Variants in GRIP1 observed in about 807,000 individuals in gnomAD.
The protein encoded by GRIP1 is glutamate receptor-interacting protein 1.
GRIP1 carries 45 observed loss-of-function variants against 129.9 expected under a neutral mutation model. The observed-to-expected ratio is 0.35, with a 90% CI of 0.27 to 0.44. The LOEUF (loss-of-function observed/expected upper bound fraction) is 0.44. GRIP1 is among the 20% of genes least tolerant of loss of function. The pLI is 1.00. For missense variants in GRIP1, 1,196 were observed against 1,396.8 expected (o/e 0.86, Z 2.29); for synonymous variants, 530 against 520.8 (o/e 1.02, Z -0.24).
intron 1 of GRIP1, among the ~76,000 whole-genome samples, chr12:66,782,814 A>G (rs1000158855): frequency 1.3e-5 from 2 of 152,292 alleles, no homozygotes; most frequent in Middle Eastern, 3.4e-3. Context: ...TCTCCACAAG[A>G]GATGATAGAT....
chr12:66,484,877 G>C (rs1195055374), intron 7 of GRIP1, among the ~76,000 whole-genome samples: 1 of 152,132 alleles, frequency 6.6e-6, no homozygotes, highest in Non-Finnish European at 1.5e-5. Context: ...GTGATGGATA[G>C]ATATCCCTAT....
intron 11 of GRIP1, among the ~76,000 whole-genome samples, chr12:66,451,998 A>G (rs571355457): frequency 6.6e-6 from 1 of 152,362 alleles, no homozygotes; most frequent in African/African-American, 2.4e-5. Context: ...GCTCTTTTCA[A>G]TGGCACTCTC....
chr12:66,558,836 A>G (rs1003027981), intron 2 of GRIP1, among the ~76,000 whole-genome samples: 1 of 152,182 alleles, frequency 6.6e-6, no homozygotes, highest in Non-Finnish European at 1.5e-5. Context: ...CTACAAGGCC[A>G]GTATTACCCT....
intron 13 of GRIP1, among the ~76,000 whole-genome samples, chr12:66,434,187 G>T (rs1013752684): frequency 5.9e-5 from 9 of 152,106 alleles, no homozygotes; most frequent in African/African-American, 2.2e-4. Context: ...CCCTGGGCCC[G>T]CCTAGCTTTT....
intron 7 of GRIP1, among the ~76,000 whole-genome samples, chr12:66,502,829 A>G (rs2060427517): frequency 1.3e-5 from 2 of 152,292 alleles, no homozygotes; most frequent in South Asian, 4.2e-4. Context: ...ACCCAGTCTC[A>G]GGTATTTCTT....
chr12:67,056,595 A>G (rs2043440428), intron 1 of GRIP1, among the ~76,000 whole-genome samples: 1 of 152,160 alleles, frequency 6.6e-6, no homozygotes, highest in South Asian at 2.1e-4. Context: ...CCTGTTAATC[A>G]GCCACAAGCC....
chr12:66,979,222 T>TAAAA (rs35306665), intron 1 of GRIP1, among the ~76,000 whole-genome samples: 935 of 41,298 alleles, frequency 0.023, 93 homozygotes, highest in East Asian at 0.054. Context: ...CTTCTCTTCT[T>TAAAA]AAAAAAAAAA....
At chr12:66,402,465 A>G (rs796171083) in intron 16 of GRIP1, among the ~76,000 whole-genome samples, 47 of 152,324 alleles carry the variant, frequency 3.1e-4, no homozygotes, top group African/African-American at 1.1e-3. Context: ...GGTAAGGTAC[A>G]CAGCAGGGTA....
At chr12:66,400,204 G>A (rs2056934786) in intron 16 of GRIP1, among the ~76,000 whole-genome samples, 2 of 151,910 alleles carry the variant, frequency 1.3e-5, no homozygotes, top group Admixed American at 1.3e-4. Flanking sequence ...TGGGAACTCT[G>A]GGAGAGGGGC....
intron 1 of GRIP1, among the ~76,000 whole-genome samples, chr12:66,915,382 T>C (rs935379965): frequency 4.6e-5 from 7 of 152,318 alleles, no homozygotes; most frequent in Non-Finnish European, 7.3e-5. Context: ...GAAAAGACTG[T>C]AGGCTTCCCA....
rs566271008 is a variant in GRIP1, at chr12:66,870,460, A to G, written c.58+198590T>C. On this transcript the variant is annotated intron_variant, in intron 1 of 1. Transcript: ENST00000643019. ...TCTTATAGAGCAATGCTGTTTCTCC[A>G]CAGAACATCCCTTGGTGCAAAGAGA... is the stretch of plus-strand genomic sequence containing the variant. Among the ~76,000 whole-genome samples, 12 of 152,252 alleles carry G rather than the reference A, an allele frequency of 7.9e-5. No homozygotes were observed. In the South Asian group the frequency reaches 2.5e-3, roughly 32 times the overall value.
At chr12:66,530,212 T>C (rs2061396957) in intron 4 of GRIP1, among the ~76,000 whole-genome samples, 1 of 152,224 alleles carries the variant, frequency 6.6e-6, no homozygotes, top group Admixed American at 6.5e-5. Flanking sequence ...GTTTAAACTC[T>C]ACCTAACAAG....
intron 1 of GRIP1, among the ~76,000 whole-genome samples, chr12:66,697,838 T>G (rs1279132451): frequency 6.6e-6 from 1 of 152,216 alleles, no homozygotes; most frequent in Non-Finnish European, 1.5e-5. Flanking sequence ...GTTTCTCATG[T>G]CTATATATTA....
At chr12:66,554,283 G>A (rs1042854452) in intron 2 of GRIP1, among the ~76,000 whole-genome samples, 1 of 152,164 alleles carries the variant, frequency 6.6e-6, no homozygotes, top group South Asian at 2.1e-4. Context: ...AAGATTTCTA[G>A]ACAAAACCTG....
At chr12:66,618,804 T>C (rs1212042477) in intron 1 of GRIP1, among the ~76,000 whole-genome samples, 2 of 152,148 alleles carry the variant, frequency 1.3e-5, no homozygotes, top group Non-Finnish European at 2.9e-5. Flanking sequence ...TAAAGCTTAT[T>C]GGATGGAGAC....
chr12:66,743,304 C>T (rs73327086), intron 1 of GRIP1, among the ~76,000 whole-genome samples: 7,684 of 151,754 alleles, frequency 0.051, 501 homozygotes, highest in African/African-American at 0.15. Context: ...AACCACTGGG[C>T]GAGTGGCAAC....
chr12:66,998,659 G>A (rs1050293374), intron 1 of GRIP1, among the ~76,000 whole-genome samples: 17 of 152,044 alleles, frequency 1.1e-4, no homozygotes, highest in African/African-American at 4.1e-4. Context: ...TCTTCAAAGA[G>A]AAAATAAAAC....
intron 1 of GRIP1, among the ~76,000 whole-genome samples, chr12:66,877,148 T>C (rs1384045490): frequency 6.6e-6 from 1 of 152,044 alleles, no homozygotes; most frequent in Admixed American, 6.6e-5. Flanking sequence ...GAGTTGCCAA[T>C]ACAACACACC....
chr12:66,533,143 A>G (rs1240071168), intron 4 of GRIP1, among the ~76,000 whole-genome samples: 2 of 152,168 alleles, frequency 1.3e-5, no homozygotes, highest in East Asian at 3.9e-4. Context: ...AAATTCTTTA[A>G]GAGTTAAGTG....
Sources: gnomAD v4.1 joint callset for allele counts (sites outside exome capture counted in the v4.1 genomes callset) on GRCh38, gnomAD v4.1.1 for gene constraint, MANE v1.5 for transcripts, NCBI Gene and HGNC (gene_info 2026-07-23, HGNC 2026-07-21) for gene names.